Variants in ARB2A observed in about 807,000 individuals in gnomAD.
The protein encoded by ARB2A is ARB2 cotranscriptional regulator A, also known as cotranscriptional regulator ARB2A.
the ARB2A span, among the ~76,000 whole-genome samples, chr5:93,949,532 G>A: frequency 1.2e-4 from 19 of 152,028 alleles, no homozygotes; most frequent in African/African-American, 2.2e-4. Context: ...CTGCACTCCC[G>A]CCTGGCAACA....
At chr5:93,956,090 G>A in the ARB2A span, among the ~76,000 whole-genome samples, 82 of 152,300 alleles carry the variant, frequency 5.4e-4, no homozygotes, top group African/African-American at 1.7e-3. Flanking sequence ...GAATATTAGC[G>A]ATGGCAACCT....
At chr5:93,924,045 T>C in the ARB2A span, among the ~76,000 whole-genome samples, 5 of 152,092 alleles carry the variant, frequency 3.3e-5, 1 homozygote, top group Admixed American at 6.5e-5. Context: ...CTTAATTATA[T>C]AATTAAGCCT....
At chr5:93,763,055 A>G in the ARB2A span, among the ~76,000 whole-genome samples, 1 of 152,230 alleles carries the variant, frequency 6.6e-6, no homozygotes, top group Non-Finnish European at 1.5e-5. Context: ...AGCACTAAAC[A>G]TGGAAAGGAA....
chr5:94,099,364 C>T, the ARB2A span, among the ~76,000 whole-genome samples: 11 of 152,030 alleles, frequency 7.2e-5, no homozygotes, highest in Admixed American at 1.3e-4. Context: ...GTGGCTCATG[C>T]CTGTAATCCC....
At chr5:94,010,356 T>C in the ARB2A span, among the ~76,000 whole-genome samples, 1 of 152,150 alleles carries the variant, frequency 6.6e-6, no homozygotes, top group Admixed American at 6.6e-5. Context: ...AATTGGAGAC[T>C]TTCCAGGTAG....
At chr5:93,881,809 T>C in the ARB2A span, 2 of 483,390 alleles carry the variant, frequency 4.1e-6, no homozygotes, top group Non-Finnish European at 6.9e-6. Context: ...ATTAAAATAC[T>C]CCTTTAGGCA....
chr5:93,818,353 C>T, the ARB2A span, among the ~76,000 whole-genome samples: 2 of 151,914 alleles, frequency 1.3e-5, no homozygotes, highest in African/African-American at 2.4e-5. Context: ...TGCAAATATG[C>T]AAAAAGACTT....
chr5:94,014,146 A>G, the ARB2A span, among the ~76,000 whole-genome samples: 3 of 152,198 alleles, frequency 2.0e-5, no homozygotes, highest in South Asian at 4.1e-4. Flanking sequence ...CCTGGATGAT[A>G]GGCTTAACCA....
chr5:93,711,751 A>G, the ARB2A span, among the ~76,000 whole-genome samples: 1 of 152,276 alleles, frequency 6.6e-6, no homozygotes, highest in Non-Finnish European at 1.5e-5. Flanking sequence ...CTTCCAGAGC[A>G]TGATTGGCTG....
At chr5:94,005,887 G>T in the ARB2A span, among the ~76,000 whole-genome samples, 1 of 152,164 alleles carries the variant, frequency 6.6e-6, no homozygotes, top group Non-Finnish European at 1.5e-5. Context: ...AACATCAAAT[G>T]ATGCTGAGGA....
At chr5:94,107,759 G>A in the ARB2A span, among the ~76,000 whole-genome samples, 3 of 152,098 alleles carry the variant, frequency 2.0e-5, no homozygotes, top group African/African-American at 7.2e-5. Context: ...TGTATACAGT[G>A]CACACCTTCC....
At chr5:93,989,089 A>G in the ARB2A span, among the ~76,000 whole-genome samples, 1 of 152,334 alleles carries the variant, frequency 6.6e-6, no homozygotes, top group East Asian at 1.9e-4. Flanking sequence ...TGGTCAAAGT[A>G]TAAGACAAGA....
the ARB2A span, among the ~76,000 whole-genome samples, chr5:93,625,975 C>G: frequency 6.6e-6 from 1 of 152,186 alleles, no homozygotes; most frequent in African/African-American, 2.4e-5. Flanking sequence ...CAACCCTGCC[C>G]ACACTCCTCT....
the ARB2A span, among the ~76,000 whole-genome samples, chr5:93,742,536 G>A: frequency 6.6e-6 from 1 of 152,182 alleles, no homozygotes; most frequent in South Asian, 2.1e-4. Context: ...GAGGGAGGGA[G>A]AAAGAGAGGC....
the ARB2A span, among the ~76,000 whole-genome samples, chr5:94,028,801 A>C: frequency 1.3e-5 from 2 of 152,224 alleles, no homozygotes; most frequent in Non-Finnish European, 2.9e-5. Context: ...ACTTTCAGGC[A>C]TCATGACTTT....
At chr5:93,635,757 C>T in the ARB2A span, among the ~76,000 whole-genome samples, 3,429 of 152,120 alleles carry the variant, frequency 0.023, 147 homozygotes, top group African/African-American at 0.079. Flanking sequence ...ATTAACTTAT[C>T]GTGTACTTGC....
At chr5:93,712,052 TCCCA>T in the ARB2A span, among the ~76,000 whole-genome samples, 1 of 152,146 alleles carries the variant, frequency 6.6e-6, no homozygotes, top group East Asian at 1.9e-4. Flanking sequence ...GGGACGGAAG[TCCCA>T]GGATAGCCTG....
At chr5:93,663,001 A>G in the ARB2A span, among the ~76,000 whole-genome samples, 1 of 152,172 alleles carries the variant, frequency 6.6e-6, no homozygotes, top group African/African-American at 2.4e-5. Context: ...GACAAGAGGG[A>G]CAAACTCCCT....
At chr5:93,784,157 T>A in the ARB2A span, 1 of 429,770 alleles carries the variant, frequency 2.3e-6, no homozygotes, top group South Asian at 3.3e-5. Context: ...ACACATATAG[T>A]GTTCTATAGA....
Sources: gnomAD v4.1 joint callset for allele counts (sites outside exome capture counted in the v4.1 genomes callset) on GRCh38, gnomAD v4.1.1 for gene constraint, MANE v1.5 for transcripts, NCBI Gene and HGNC (gene_info 2026-07-23, HGNC 2026-07-21) for gene names.